The following MIDEAS variants were observed in gnomAD, a reference collection of about 807,000 sequenced individuals.
The protein encoded by MIDEAS is mitotic deacetylase-associated SANT domain protein.
Under a neutral mutation model 102.7 loss-of-function variants are expected in MIDEAS, and 26 were observed. The observed-to-expected ratio is 0.25, with a 90% CI of 0.19 to 0.35. MIDEAS has a LOEUF of 0.35. Among genes scored for constraint, MIDEAS ranks in the 10% least tolerant of loss-of-function variants. The pLI is 1.00. For synonymous variants in MIDEAS, 585 were observed against 591.0 expected (o/e 0.99, Z 0.15); for missense variants, 1,231 against 1,435.6 (o/e 0.86, Z 2.30).
intron 10 of MIDEAS, 37 bp from the exon 11 acceptor site, chr14:73,721,546 C>T: frequency 6.3e-7 from 1 of 1,577,646 alleles, no homozygotes; most frequent in Non-Finnish European, 8.7e-7. Context: ...GAGCCTAGAG[C>T]TCTGTCTCAC....
At chr14:73,734,873 C>G (rs746683512) in intron 3 of MIDEAS, among the ~76,000 whole-genome samples, 4 of 152,116 alleles carry the variant, frequency 2.6e-5, no homozygotes, top group Non-Finnish European at 5.9e-5. Flanking sequence ...ATGAAAAGAG[C>G]AGTATGCAAG....
At chr14:73,719,229 C>CA in intron 12 of MIDEAS, 76 bp downstream of exon 12, 1 of 780,778 alleles carries the variant, frequency 1.3e-6, no homozygotes. Flanking sequence ...TCTTCCCCCT[C>CA]CCCTCCACCC....
chr14:73,786,057 C>T (rs1283196399), intron 1 of MIDEAS, among the ~76,000 whole-genome samples: 1 of 152,208 alleles, frequency 6.6e-6, no homozygotes, highest in African/African-American at 2.4e-5. Flanking sequence ...TAATTACAGG[C>T]CGGCAGGAAG....
chr14:73,739,379 C>G lies in MIDEAS; in HGVS notation c.630G>C (p.Gln210His), dbSNP rs1370272111. The change falls in exon 2 of 13, where the codon CAG becomes CAC. Residue 210 changes from glutamine to histidine, a missense_variant. Around this residue, in one of 5 missense-constraint regions of MIDEAS, gnomAD observed 758 missense variants for 856.0 expected, o/e 0.89. Coordinates refer to ENST00000423556, the MANE Select transcript of MIDEAS (RefSeq NM_001367710.1). ...SFHAAKKPPN[Q>H]SLPLQPFQLA... ...GCTGGAAGGGTTGCAGGGGCAGTGA[C>G]TGGTTTGGGGGTTTCTTGGCTGCGT... The G allele has an allele frequency of 6.3e-7, 1 of 1,589,242 alleles. No individual in the cohort carries two copies. The highest frequency in any genetic ancestry group is 8.6e-7 in the Non-Finnish European group (1 of 1,166,016).
At chr14:73,779,409 A>G (rs1330558305) in intron 1 of MIDEAS, among the ~76,000 whole-genome samples, 2 of 150,126 alleles carry the variant, frequency 1.3e-5, no homozygotes, top group Non-Finnish European at 3.0e-5. Flanking sequence ...AAAAAAAAAA[A>G]AAAGTGCAAC....
At chr14:73,748,583 T>A (rs1292645886) in intron 1 of MIDEAS, among the ~76,000 whole-genome samples, 1 of 150,886 alleles carries the variant, frequency 6.6e-6, no homozygotes, top group Non-Finnish European at 1.5e-5. Context: ...TTGTAAACAG[T>A]CACCAAAAGA....
chr14:73,769,902 G>GT (rs796246766), intron 1 of MIDEAS, among the ~76,000 whole-genome samples: 9,214 of 109,240 alleles, frequency 0.084, 746 homozygotes, highest in African/African-American at 0.26. Context: ...GCCCGGCTGG[G>GT]TTTTTTTTTT....
chr14:73,764,213 G>C (rs1355474700), upstream of MIDEAS, among the ~76,000 whole-genome samples: 1 of 151,850 alleles, frequency 6.6e-6, no homozygotes, highest in African/African-American at 2.4e-5. Flanking sequence ...GATGGCGCAC[G>C]TCTGTAGTCC....
intron 11 of MIDEAS, among the ~76,000 whole-genome samples, chr14:73,720,217 G>C (rs1813864713): frequency 6.6e-6 from 1 of 150,630 alleles, no homozygotes; most frequent in African/African-American, 2.4e-5. Flanking sequence ...CTGTAAGCAT[G>C]AGTGTACTAC....
At chr14:73,730,730 G>A (rs2053127715) in intron 3 of MIDEAS, among the ~76,000 whole-genome samples, 1 of 151,554 alleles carries the variant, frequency 6.6e-6, no homozygotes, top group Non-Finnish European at 1.5e-5. Context: ...AGGTGGGGGG[G>A]AGGGGATCAC....
intron 3 of MIDEAS, 95 bp downstream of exon 3, chr14:73,736,903 C>G (rs937609457): frequency 1.6e-6 from 2 of 1,282,582 alleles, no homozygotes; most frequent in Non-Finnish European, 2.2e-6. Context: ...TTCCCTGATA[C>G]CTTCCTACAT....
chr14:73,748,771 A>G (rs1240992526), intron 1 of MIDEAS, among the ~76,000 whole-genome samples: 1 of 7,548 alleles, frequency 1.3e-4, no homozygotes, highest in African/African-American at 8.1e-4. Context: ...TCCGTCTCAA[A>G]AAAAAAAAAA....
rs4899476 is a variant in MIDEAS at position 73,718,236 on chromosome 14, A to G, written c.*607T>C. The G allele has an allele frequency of 0.12, 18,216 of 152,372 alleles. 1,086 individuals carry two copies. The highest frequency in any genetic ancestry group is 0.18 in the Middle Eastern group (52 of 296). 9.4% of individuals were successfully genotyped at this position (152,372 alleles called of 1,614,324 possible). A position where few individuals can be genotyped will look rare whatever the true frequency, so the allele number is the denominator to read the frequency against. ...AGTACCTGCCGCGGCCTCCCTCCCA[A>G]GGAGGAGGTGGCCACTCAGGACACG... On this transcript the variant is annotated 3_prime_UTR_variant, in exon 13 of 13. Transcript: ENST00000423556.
rs76983785 is a variant in MIDEAS at position 73,752,424 on chromosome 14, C to G, written c.-248+7339G>C. On this transcript the variant is annotated intron_variant, in intron 1 of 12. Transcript: ENST00000423556. ...GTCAAGCCTACCAAGTCTTCATCAA[C>G]CCAGGCTCTCCTGACTGGTCAGGGC... Among the ~76,000 whole-genome samples the G allele has an allele frequency of 3.0e-3, 462 of 152,266 alleles. 1 individual carries two copies. Among genetic ancestry groups the G allele is most frequent in the African/African-American group, 0.011 (438 of 41,526 alleles).
In MIDEAS at chr14:73,716,584, G is replaced by A. The variant is rs1381353802; in HGVS notation, c.*2259C>T. Reference sequence around the variant, plus strand: ...TATAATCCCAGCTACTCAGGAGGCTGAGGCAGGAGAATTCTTTTAACCCAA... The same window carrying A: ...TATAATCCCAGCTACTCAGGAGGCTAAGGCAGGAGAATTCTTTTAACCCAA... On this transcript the variant is annotated 3_prime_UTR_variant, in exon 13 of 13. Transcript: ENST00000423556. 1 of 149,298 alleles carries A rather than the reference G, an allele frequency of 6.7e-6. No individual in the cohort carries two copies. The highest frequency in any genetic ancestry group is 2.0e-4 in the East Asian group (1 of 5,058). The allele number at this position is 149,298 out of a possible 1,614,324, so 9.2% of individuals were successfully genotyped here. A position where few individuals can be genotyped will look rare whatever the true frequency, so the allele number is the denominator to read the frequency against.
At chr14:73,767,246 A>G (rs1440806664) in intron 1 of MIDEAS, among the ~76,000 whole-genome samples, 1 of 152,200 alleles carries the variant, frequency 6.6e-6, no homozygotes, top group African/African-American at 2.4e-5. Context: ...ATCAATAACT[A>G]TTGAGGCTCA....
intron 1 of MIDEAS, among the ~76,000 whole-genome samples, chr14:73,778,857 A>G (rs955637325): frequency 3.9e-5 from 6 of 152,038 alleles, no homozygotes; most frequent in Non-Finnish European, 7.4e-5. Flanking sequence ...CACTCTGCCC[A>G]TTTAGTCTAA....
rs1322412292 is a variant in MIDEAS, at chr14:73,779,573, A to ATTT, written c.-248+7526_-248+7528dup. ...TAATTTGTTTATTATTATTATTATT[A>ATTT]TTTTTTTTTTTTTTTGAGACGGAGT... On this transcript the variant is annotated intron_variant, in intron 1 of 11. Coordinates refer to the MIDEAS transcript ENST00000394071. 7.3e-4 allele frequency among the ~76,000 whole-genome samples: 88 copies of ATTT among 119,948 alleles called. 1 individual carries two copies. The highest frequency in any genetic ancestry group is 1.5e-3 in the African/African-American group (46 of 30,788). 78.7% of individuals were successfully genotyped at this position (119,948 alleles called of 152,430 possible).
At position 73,739,172 on chromosome 14, in the gene MIDEAS, C is replaced by T. The variant is rs765402765; in HGVS notation, c.837G>A (p.Gln279=). ...PLFENFYSMP[Q]QPSQQPQDFG... The stretch of plus-strand genomic sequence containing the variant: ...AGTCCTGGGGTTGCTGCGAGGGTTG[C>T]TGCGGCATGGAATAGAAGTTCTCAA... The change falls in exon 2 of 13, where the codon CAG becomes CAA. Residue 279 remains glutamine, a synonymous_variant. Transcript: ENST00000423556. 3 of 1,613,910 alleles carry T rather than the reference C, an allele frequency of 1.9e-6. No homozygotes were observed. The Admixed American group carries it at 5.0e-5, about 27-fold the overall frequency.
Sources: gnomAD v4.1 joint callset for allele counts (sites outside exome capture counted in the v4.1 genomes callset) on GRCh38, gnomAD v4.1.1 for gene constraint, gnomAD v4.1.1 regional missense constraint, MANE v1.5 for transcripts, NCBI Gene and HGNC (gene_info 2026-07-23, HGNC 2026-07-21) for gene names.